Variants in XRN2 observed in about 807,000 individuals in gnomAD.
XRN2 encodes the protein DHM1-like protein.
Under a neutral mutation model 138.5 loss-of-function variants are expected in XRN2, and 44 were observed. The observed-to-expected ratio is 0.32, with a 90% CI of 0.25 to 0.41. The LOEUF is 0.41. XRN2 is among the 10% of genes least tolerant of loss of function. The pLI is 1.00. For missense variants in XRN2, 937 were observed against 1,169.3 expected, an observed-to-expected ratio of 0.80 and a Z score of 2.90; for synonymous variants, 354 against 369.4, an observed-to-expected ratio of 0.96 and a Z score of 0.48.
intron 1 of XRN2, chr20:21,303,858 C>T: frequency 1.0e-6 from 1 of 985,362 alleles, no homozygotes; most frequent in Non-Finnish European, 1.2e-6. Context: ...GTCAGCTGAG[C>T]TAGCGGGTTA....
chr20:21,318,333 A>C (rs938135191), intron 1 of XRN2, among the ~76,000 whole-genome samples: 2 of 151,996 alleles, frequency 1.3e-5, no homozygotes, highest in Non-Finnish European at 2.9e-5. Context: ...AGACTAGCTG[A>C]AGGTTTGTCA....
intron 1 of XRN2, among the ~76,000 whole-genome samples, chr20:21,323,471 T>C (rs1400254007): frequency 6.6e-6 from 1 of 152,218 alleles, no homozygotes; most frequent in Non-Finnish European, 1.5e-5. Flanking sequence ...TAAGGATCTC[T>C]CTTTAACTGA....
chr20:21,354,730 A>G (rs1461060183), intron 20 of XRN2, 59 bp from the exon 21 acceptor site: 1 of 1,492,324 alleles, frequency 6.7e-7, no homozygotes, highest in Non-Finnish European at 9.3e-7. Context: ...GAGCAATGAT[A>G]AGTTGGAATT....
At chr20:21,349,933 T>G (rs1275369696) in intron 20 of XRN2, among the ~76,000 whole-genome samples, 1 of 152,238 alleles carries the variant, frequency 6.6e-6, no homozygotes, top group African/African-American at 2.4e-5. Context: ...CCTTTGTGAT[T>G]AATTAATGGG....
intron 28 of XRN2, among the ~76,000 whole-genome samples, chr20:21,385,996 T>G (rs1035136638): frequency 2.0e-5 from 3 of 152,200 alleles, no homozygotes; most frequent in African/African-American, 7.2e-5. Flanking sequence ...GAAAGTGCCT[T>G]AAGGAGAAAG....
At chr20:21,325,648 A>G (rs1041466828) in intron 1 of XRN2, among the ~76,000 whole-genome samples, 3 of 152,206 alleles carry the variant, frequency 2.0e-5, no homozygotes, top group African/African-American at 7.2e-5. Flanking sequence ...GGAACTTACA[A>G]GAGAGTGAGT....
At chr20:21,325,455 A>G (rs916905703) in intron 1 of XRN2, among the ~76,000 whole-genome samples, 1 of 152,222 alleles carries the variant, frequency 6.6e-6, no homozygotes, top group African/African-American at 2.4e-5. Flanking sequence ...ATTATGAGGA[A>G]ATTCAGAAGG....
chr20:21,335,051 G>A (rs1316739246), intron 13 of XRN2, among the ~76,000 whole-genome samples: 2 of 152,206 alleles, frequency 1.3e-5, no homozygotes, highest in African/African-American at 4.8e-5. Flanking sequence ...GGGAACCACG[G>A]ACATTTAAAG....
At chr20:21,343,914 G>A (rs903608836) in intron 15 of XRN2, among the ~76,000 whole-genome samples, 176 bp from the exon 16 acceptor site, 1 of 151,808 alleles carries the variant, frequency 6.6e-6, no homozygotes, top group African/African-American at 2.4e-5. Flanking sequence ...CTTCTTTTGA[G>A]GGGAAGTGAA....
chr20:21,370,668 C>G (rs1466032865), intron 27 of XRN2, among the ~76,000 whole-genome samples: 1 of 152,194 alleles, frequency 6.6e-6, no homozygotes, highest in Non-Finnish European at 1.5e-5. Flanking sequence ...CTTAACCCCT[C>G]ATAATCTGTT....
intron 20 of XRN2, among the ~76,000 whole-genome samples, chr20:21,350,249 G>A (rs967906018): frequency 6.6e-6 from 1 of 151,948 alleles, no homozygotes; most frequent in Non-Finnish European, 1.5e-5. Context: ...TATCTTGGCC[G>A]GGCGCAGTGG....
Position 21,337,837 on chromosome 20 carries a change from G to A in XRN2, c.1234-1207G>A, listed in dbSNP as rs149065746. ...GGAGATCAGGTGAGTGTAGCCTCCT[G>A]GAAGCCAAGTGAAGACTGATCCAAG... On this transcript the variant is annotated intron_variant, in intron 13 of 29. Transcript: ENST00000377191. 2.0e-5 allele frequency among the ~76,000 whole-genome samples: 3 copies of A among 152,284 alleles called. No homozygotes were observed. The East Asian group carries it at 5.8e-4, about 29-fold the overall frequency.
chr20:21,336,680 C>A (rs926389849), intron 13 of XRN2, among the ~76,000 whole-genome samples: 1 of 152,162 alleles, frequency 6.6e-6, no homozygotes, highest in African/African-American at 2.4e-5. Context: ...ATGGAGTTTA[C>A]ATTCTCTTGG....
intron 16 of XRN2, 101 bp downstream of exon 16, chr20:21,344,309 G>T: frequency 1.2e-6 from 1 of 806,176 alleles, no homozygotes. Context: ...TCAGATGCTT[G>T]CCTGTGATCT....
At chr20:21,339,576 C>T (rs972655957) in intron 14 of XRN2, among the ~76,000 whole-genome samples, 1 of 152,194 alleles carries the variant, frequency 6.6e-6, no homozygotes, top group African/African-American at 2.4e-5. Context: ...CCGTCCAGCA[C>T]ATCCCCTGTT....
chr20:21,363,865 A>G (rs1177931079), intron 24 of XRN2, among the ~76,000 whole-genome samples: 2 of 152,222 alleles, frequency 1.3e-5, no homozygotes, highest in East Asian at 3.8e-4. Context: ...CTGATAATCG[A>G]TTGATGAATA....
At chr20:21,321,597 C>G (rs1031609601) in intron 1 of XRN2, among the ~76,000 whole-genome samples, 2 of 151,992 alleles carry the variant, frequency 1.3e-5, no homozygotes, top group Admixed American at 1.3e-4. Flanking sequence ...TGATTACAGG[C>G]ATGAGCCACT....
intron 19 of XRN2, 136 bp downstream of exon 19, chr20:21,348,566 A>T: frequency 1.3e-6 from 1 of 770,912 alleles, no homozygotes. Flanking sequence ...CCAAACACAC[A>T]TATATTTCCT....
chr20:21,320,225 C>G (rs2038018457), intron 1 of XRN2, among the ~76,000 whole-genome samples: 1 of 151,974 alleles, frequency 6.6e-6, no homozygotes, highest in Middle Eastern at 3.4e-3. Flanking sequence ...GTTTCCACTT[C>G]TTTACTGCTT....
Sources: allele counts gnomAD v4.1 joint callset (sites outside exome capture counted in the v4.1 genomes callset), GRCh38; gene constraint gnomAD v4.1.1; transcripts MANE v1.5; gene names NCBI Gene and HGNC (gene_info 2026-07-23, HGNC 2026-07-21).